VAPA: variants seen among roughly 807,000 people sequenced by gnomAD.
The protein encoded by VAPA is vesicle-associated membrane protein-associated protein A.
Under a neutral mutation model 25.6 loss-of-function variants are expected in VAPA, and 6 were observed. The observed-to-expected ratio is 0.23, with a 90% CI of 0.13 to 0.46. The LOEUF (loss-of-function observed/expected upper bound fraction) is 0.46, where lower values mean the gene tolerates loss of function less well. Among genes scored for constraint, VAPA ranks in the 20% least tolerant of loss-of-function variants. The pLI is 0.99. For synonymous variants in VAPA, 112 were observed against 106.2 expected, an observed-to-expected ratio of 1.05 and a Z score of -0.34; for missense variants, 244 against 302.1, an observed-to-expected ratio of 0.81 and a Z score of 1.43.
At chr18:9,943,293 G>A (rs369062268) in intron 4 of VAPA, among the ~76,000 whole-genome samples, 4 of 152,096 alleles carry the variant, frequency 2.6e-5, no homozygotes, top group African/African-American at 9.7e-5. Flanking sequence ...TTTCTGATTT[G>A]GATCATAGAT....
chr18:9,950,233 A>T (rs1051170810), intron 4 of VAPA, 162 bp from the exon 5 acceptor site: 21 of 632,796 alleles, frequency 3.3e-5, no homozygotes, highest in Non-Finnish European at 5.7e-5. Flanking sequence ...GAATAGAGGG[A>T]GTGGGCTGGT....
At chr18:9,940,800 C>G (rs890363882) in intron 4 of VAPA, among the ~76,000 whole-genome samples, 2 of 152,136 alleles carry the variant, frequency 1.3e-5, no homozygotes, top group Non-Finnish European at 2.9e-5. Flanking sequence ...ATTTACATTT[C>G]AAGTTTTACA....
intron 4 of VAPA, among the ~76,000 whole-genome samples, chr18:9,946,957 C>T (rs1289053637): frequency 6.6e-6 from 1 of 152,056 alleles, no homozygotes; most frequent in Non-Finnish European, 1.5e-5. Flanking sequence ...TTTAAAAAAA[C>T]TTCTTTTCTT....
chr18:9,950,214 G>A (rs1174836353), intron 4 of VAPA, 181 bp from the exon 5 acceptor site: 2 of 584,142 alleles, frequency 3.4e-6, no homozygotes, highest in African/African-American at 1.9e-5. Context: ...TACGTGCCAG[G>A]GATTATGGGA....
At chr18:9,936,747 A>T (rs2069314868) in intron 3 of VAPA, 2 of 399,626 alleles carry the variant, frequency 5.0e-6, no homozygotes, top group Non-Finnish European at 8.9e-6. Flanking sequence ...GCTAAGAAGA[A>T]AGTCCTATGG....
In VAPA at chr18:9,954,236, CTTTT is replaced by C; in HGVS notation, c.*35_*38del. 3 of 1,343,748 alleles carry C rather than the reference CTTTT, an allele frequency of 2.2e-6. No homozygotes were observed. The highest frequency in any genetic ancestry group is 2.3e-5 in the Admixed American group (1 of 42,666). 83.2% of individuals were successfully genotyped at this position (1,343,748 alleles called of 1,614,324 possible). A position where few individuals can be genotyped will look rare whatever the true frequency, so the allele number is the denominator to read the frequency against. ...GAGTGAAGCATGCAGAGTGCTGTTT[CTTTT>C]TTTTTTTTTCTCTTGACCAGAAAAA... is the stretch of plus-strand genomic sequence containing the variant. On this transcript the variant is annotated 3_prime_UTR_variant, in exon 6 of 6. Transcript: ENST00000400000.
chr18:9,934,021 C>T (rs1472910810), intron 2 of VAPA, among the ~76,000 whole-genome samples: 2 of 152,182 alleles, frequency 1.3e-5, no homozygotes. Context: ...CCACAGAAAC[C>T]TGACTTATTA....
At chr18:9,944,881 AG>A (rs1273196099) in intron 4 of VAPA, 1 of 1,599,998 alleles carries the variant, frequency 6.3e-7, no homozygotes, top group East Asian at 2.3e-5. Flanking sequence ...AAGAAATCAG[AG>A]TTCGGTGAGA....
At chr18:9,925,426 A>T (rs184581694) in intron 1 of VAPA, among the ~76,000 whole-genome samples, 1 of 152,080 alleles carries the variant, frequency 6.6e-6, no homozygotes, top group Non-Finnish European at 1.5e-5. Context: ...TTATGAAGAG[A>T]TATGTTTTAG....
chr18:9,932,276 G>A (rs1426766554), intron 2 of VAPA, among the ~76,000 whole-genome samples: 1 of 152,120 alleles, frequency 6.6e-6, no homozygotes, highest in African/African-American at 2.4e-5. Flanking sequence ...TTTTTCTGAT[G>A]GGTCATTCTC....
At position 9,914,194 on chromosome 18, in the gene VAPA, T is replaced by TC. The variant is rs1375995415; in HGVS notation, c.-58dup. Reference sequence around the variant, plus strand: ...CTCGGCCGAGCCGTCGCCGCCGTCGTCCCCCGCCCCCAGTCAGCAAACCGC... The same window carrying TC: ...CTCGGCCGAGCCGTCGCCGCCGTCGTCCCCCCGCCCCCAGTCAGCAAACCGC... On this transcript the variant is annotated 5_prime_UTR_variant, in exon 1 of 6. Coordinates refer to ENST00000400000, the MANE Select transcript of VAPA (RefSeq NM_194434.3). 1.4e-6 allele frequency: 2 copies of TC among 1,461,600 alleles called. No individual in the cohort carries two copies. Among genetic ancestry groups the TC allele is most frequent in the Non-Finnish European group, 1.9e-6 (2 of 1,080,980 alleles). 90.5% of individuals were successfully genotyped at this position (1,461,600 alleles called of 1,614,324 possible). A position where few individuals can be genotyped will look rare whatever the true frequency, so the allele number is the denominator to read the frequency against.
At chr18:9,918,250 A>G (rs950439568) in intron 1 of VAPA, among the ~76,000 whole-genome samples, 1 of 152,192 alleles carries the variant, frequency 6.6e-6, no homozygotes, top group Non-Finnish European at 1.5e-5. Flanking sequence ...TAAATACACC[A>G]GAGTCTTTGA....
chr18:9,917,762 T>C (rs1305576196), intron 1 of VAPA, among the ~76,000 whole-genome samples: 1 of 152,080 alleles, frequency 6.6e-6, no homozygotes, highest in African/African-American at 2.4e-5. Flanking sequence ...GAGGGACGTA[T>C]GGTGTTAACA....
chr18:9,944,771 C>G (rs1189203513), intron 4 of VAPA, among the ~76,000 whole-genome samples: 3 of 152,152 alleles, frequency 2.0e-5, no homozygotes, highest in African/African-American at 7.2e-5. Context: ...TTTAACATAG[C>G]TATTATTAGT....
At chr18:9,936,730 A>AAAAAAGAT in intron 3 of VAPA, 1 of 406,358 alleles carries the variant, frequency 2.5e-6, no homozygotes, top group Non-Finnish European at 4.4e-6. Flanking sequence ...GAAAAAAAGA[A>AAAAAAGAT]AGAAATGCTA....
chr18:9,924,314 T>G (rs2069182315), intron 1 of VAPA, among the ~76,000 whole-genome samples: 1 of 152,064 alleles, frequency 6.6e-6, no homozygotes, highest in Admixed American at 6.5e-5. Flanking sequence ...TTAATCAAGA[T>G]GTTAAATTAT....
Position 9,956,069 on chromosome 18 carries a change from G to T in VAPA, c.*1858G>T, listed in dbSNP as rs992959235. On this transcript the variant is annotated 3_prime_UTR_variant, in exon 6 of 6. Coordinates refer to ENST00000400000, the MANE Select transcript of VAPA (RefSeq NM_194434.3). The stretch of plus-strand genomic sequence containing the variant: ...AGCTATCTTTTTTTAAAGAAATTAA[G>T]TTCTTGAAAATTTAGCCAAATCCCG... The T allele has an allele frequency of 1.3e-5, 2 of 152,092 alleles. No individual in the cohort carries two copies. Among genetic ancestry groups the T allele is most frequent in the Non-Finnish European group, 2.9e-5 (2 of 68,014 alleles). The allele number at this position is 152,092 out of a possible 1,614,324, so 9.4% of individuals were successfully genotyped here.
rs931438801 is a variant in VAPA at position 9,957,234 on chromosome 18, G to A, written c.*3023G>A. ...TTTAGTAGAGACAAGGTTTCACCAT[G>A]TTGGTCAGGCTGGGCTCAAACTCCT... On this transcript the variant is annotated 3_prime_UTR_variant, in exon 6 of 6. Coordinates refer to ENST00000400000, the MANE Select transcript of VAPA (RefSeq NM_194434.3). The A allele has an allele frequency of 6.6e-6, 1 of 152,042 alleles. No individual in the cohort carries two copies. Among genetic ancestry groups the A allele is most frequent in the Non-Finnish European group, 1.5e-5 (1 of 68,016 alleles). 9.4% of individuals were successfully genotyped at this position (152,042 alleles called of 1,614,324 possible).
At chr18:9,952,597 C>T (rs1481911834) in intron 5 of VAPA, among the ~76,000 whole-genome samples, 4 of 151,840 alleles carry the variant, frequency 2.6e-5, no homozygotes, top group African/African-American at 7.3e-5. Context: ...CCTTGAAGAC[C>T]CACTGGCTTA....
Sources: allele counts gnomAD v4.1 joint callset (sites outside exome capture counted in the v4.1 genomes callset), GRCh38; gene constraint gnomAD v4.1.1; transcripts MANE v1.5; gene names NCBI Gene and HGNC (gene_info 2026-07-23, HGNC 2026-07-21).